The following CDCA2 variants were observed in gnomAD, a reference collection of about 807,000 sequenced individuals.
CDCA2 encodes the protein cell division cycle associated 2, also known as cell division cycle-associated protein 2.
CDCA2 carries 44 observed loss-of-function variants against 67.0 expected under a neutral mutation model. The observed-to-expected ratio is 0.66, with a 90% confidence interval of 0.52 to 0.84. The LOEUF (loss-of-function observed/expected upper bound fraction) is 0.84, where lower values mean the gene tolerates loss of function less well. Ranked by LOEUF, CDCA2 falls within the 40% of genes least tolerant of loss-of-function variation. CDCA2 has a pLI of 0.00. For missense variants in CDCA2, 1,253 were observed against 1,203.2 expected, an observed-to-expected ratio of 1.04 and a Z score of -0.61; for synonymous variants, 447 against 418.7, an observed-to-expected ratio of 1.07 and a Z score of -0.82.
intron 7 of CDCA2, among the ~76,000 whole-genome samples, chr8:25,474,636 A>G (rs1186008201): frequency 6.6e-6 from 1 of 152,200 alleles, no homozygotes; most frequent in Non-Finnish European, 1.5e-5. Flanking sequence ...TCCATGGTCT[A>G]GTAAGATCAC....
rs780717343 is a variant in CDCA2 at position 25,469,962 on chromosome 8, C to T, written c.802C>T (p.Leu268Phe). ...TGAAGAGTCTCTTCCCCTTTCAGAG[C>T]TCACAGAGACTTCAAATGGTAAGTA... Reference protein sequence around the residue: ...LVEESLPLSELTETSNALKVA... With the variant: ...LVEESLPLSEFTETSNALKVA... Residue 268 changes from leucine to phenylalanine, a missense_variant, in exon 7 of 15, where the codon CTC becomes TTC. Transcript: ENST00000330560. 1.2e-6 allele frequency: 2 copies of T among 1,608,134 alleles called. No individual in the cohort carries two copies. Among genetic ancestry groups the T allele is most frequent in the Non-Finnish European group, 8.5e-7 (1 of 1,175,366 alleles).
In CDCA2 at chr8:25,468,343, T is replaced by C. The variant is rs765128435; in HGVS notation, c.665T>C (p.Ile222Thr). The stretch of plus-strand genomic sequence containing the variant: ...CTGACGGATGCTGAAGGAAAAGTAA[T>C]TGGTCTCCAGATATTCAATATTGAT... ...ENLTDAEGKV[I>T]GLQIFNIDTD... The change falls in exon 6 of 15, where the codon ATT becomes ACT. Residue 222 changes from isoleucine (I) to threonine (T), a missense_variant. Coordinates refer to ENST00000330560, the MANE Select transcript of CDCA2 (RefSeq NM_152562.4). The C allele has an allele frequency of 8.1e-6, 13 of 1,613,788 alleles. No individual in the cohort carries two copies. In the East Asian group the frequency reaches 1.6e-4, roughly 19 times the overall value.
rs1804322119 is a variant in CDCA2 at position 25,498,399 on chromosome 8, G to A, written c.1672-4974G>A. On this transcript the variant is annotated intron_variant, in intron 13 of 14. Coordinates refer to ENST00000330560, the MANE Select transcript of CDCA2 (RefSeq NM_152562.4). The stretch of plus-strand genomic sequence containing the variant: ...ATTTTTGTATTTTTAGTAGAGACGG[G>A]GTTTCACTATGTTGGCCTGGCTGGT... Among the ~76,000 whole-genome samples the A allele has an allele frequency of 2.1e-5, 3 of 146,296 alleles. No individual in the cohort carries two copies. In the Admixed American group the frequency reaches 2.1e-4, roughly 10 times the overall value.
rs1339950317 is a variant in CDCA2 at position 25,468,300 on chromosome 8, A to G, written c.622A>G (p.Arg208Gly). ...CAAACGTCGGAGAATATCCTATCAG[A>G]GAGACTCTGATGAAAATCTGACGGA... ...SSKRRRISYQ[R>G]DSDENLTDAE... is the part of the protein sequence containing the mutation. Residue 208 changes from arginine (R) to glycine (G), a missense_variant, in exon 6 of 15, where the codon AGA becomes GGA. By Grantham distance (125) the Arg-to-Gly change is moderately radical (BLOSUM62 -2). Transcript: ENST00000330560. The G allele has an allele frequency of 3.1e-6, 5 of 1,613,902 alleles. No individual in the cohort carries two copies. The Admixed American group carries it at 6.7e-5, about 22-fold the overall frequency.
intron 10 of CDCA2, among the ~76,000 whole-genome samples, chr8:25,485,272 C>A (rs937502732): frequency 6.6e-6 from 1 of 151,318 alleles, no homozygotes; most frequent in African/African-American, 2.4e-5. Flanking sequence ...AACCTCTGAG[C>A]AAAATGGTAA....
At position 25,506,832 on chromosome 8, in the gene CDCA2, G is replaced by A. The variant is rs777051891; in HGVS notation, c.2166G>A (p.Val722=). 1.2e-6 allele frequency: 2 copies of A among 1,613,984 alleles called. No homozygotes were observed. Among genetic ancestry groups the A allele is most frequent in the East Asian group, 2.2e-5 (1 of 44,860 alleles). The change falls in exon 15 of 15, where the codon GTG becomes GTA. Residue 722 remains valine, a synonymous_variant. Transcript: ENST00000330560. ...VSCASVTEER[V]ASDSPKPALT... is the part of the protein sequence containing the mutation. ...GTGCTTCTGTAACTGAAGAACGTGT[G>A]GCATCAGATAGTCCCAAACCTGCTC...
intron 7 of CDCA2, among the ~76,000 whole-genome samples, chr8:25,475,056 T>C (rs1803292526): frequency 6.6e-6 from 1 of 152,166 alleles, no homozygotes; most frequent in African/African-American, 2.4e-5. Context: ...ACTGCTAGGA[T>C]TGGGTAGGCC....
chr8:25,468,402 G>A lies in CDCA2; in HGVS notation c.724G>A (p.Asp242Asn). 1.9e-6 allele frequency: 3 copies of A among 1,610,286 alleles called. No individual in the cohort carries two copies. The highest frequency in any genetic ancestry group is 2.5e-6 in the Non-Finnish European group (3 of 1,178,244). Residue 242 changes from aspartate (D) to asparagine (N), a missense_variant, in exon 6 of 15, where the codon GAT becomes AAT. Coordinates refer to ENST00000330560, the MANE Select transcript of CDCA2 (RefSeq NM_152562.4). ...AGCATGTGCAGTTGAAACTTCTGTA[G>A]ATCTTTCTGAGGTAATTCACTTACT... ...DRACAVETSV[D>N]LSEISSKLGS...
intron 8 of CDCA2, among the ~76,000 whole-genome samples, chr8:25,482,707 A>G (rs1411758040): frequency 6.6e-6 from 1 of 152,056 alleles, no homozygotes; most frequent in African/African-American, 2.4e-5. Context: ...CGTCTCTACA[A>G]AAAAATACAA....
In CDCA2 at chr8:25,460,557, A is replaced by C; in HGVS notation, c.232+3A>C. ...AAGCTTTGTTAGGAACTCTGCAGGT[A>C]AGAAAAGTTGTCATTCTGTTGTAAT... On this transcript the variant is annotated splice_donor_region_variant and intron_variant, in intron 3 of 14. Transcript: ENST00000330560. 5 of 1,608,102 alleles carry C rather than the reference A, an allele frequency of 3.1e-6. No individual in the cohort carries two copies. The highest frequency in any genetic ancestry group is 4.2e-6 in the Non-Finnish European group (5 of 1,177,954).
chr8:25,463,175 G>T (rs1295648193), intron 4 of CDCA2, among the ~76,000 whole-genome samples: 1 of 152,062 alleles, frequency 6.6e-6, no homozygotes, highest in Non-Finnish European at 1.5e-5. Context: ...GGGTCTCCTG[G>T]ACAAAATGTA....
chr8:25,462,597 G>C (rs1442932059), intron 4 of CDCA2, among the ~76,000 whole-genome samples: 1 of 151,682 alleles, frequency 6.6e-6, no homozygotes, highest in Non-Finnish European at 1.5e-5. Context: ...CTATGTTCCA[G>C]TCTGGGCGAC....
At chr8:25,487,519 A>T (rs1159959628) in intron 12 of CDCA2, among the ~76,000 whole-genome samples, 185 bp downstream of exon 12, 1 of 152,144 alleles carries the variant, frequency 6.6e-6, no homozygotes. Context: ...AGGCAGGCGG[A>T]TCATGAGGTC....
chr8:25,466,447 C>G, intron 5 of CDCA2, 122 bp downstream of exon 5: 1 of 872,386 alleles, frequency 1.1e-6, no homozygotes, highest in Non-Finnish European at 1.6e-6. Flanking sequence ...TAAAGTGAGA[C>G]TAACATTAAA....
chr8:25,494,721 C>T (rs1240458910), intron 13 of CDCA2, among the ~76,000 whole-genome samples: 1 of 152,188 alleles, frequency 6.6e-6, no homozygotes, highest in African/African-American at 2.4e-5. Flanking sequence ...GAAGTCCTAA[C>T]TCCCAGGATC....
At position 25,462,141 on chromosome 8, in the gene CDCA2, T is replaced by A; in HGVS notation, c.320T>A (p.Phe107Tyr). ...CCTGAAACAAACCATCTGATTCGTT[T>A]CATTGCTCGGCAGCAAAATATAAAG... ...GSPETNHLIR[F>Y]IARQQNIKNA... Residue 107 changes from phenylalanine to tyrosine, a missense_variant, in exon 4 of 15, where the codon TTC becomes TAC. Phe to Tyr is a conservative substitution (Grantham distance 22). Coordinates refer to ENST00000330560, the MANE Select transcript of CDCA2 (RefSeq NM_152562.4). The A allele has an allele frequency of 6.2e-7, 1 of 1,614,234 alleles. No individual in the cohort carries two copies. Among genetic ancestry groups the A allele is most frequent in the East Asian group, 2.2e-5 (1 of 44,886 alleles).
chr8:25,476,549 C>CT (rs911608785), intron 7 of CDCA2, among the ~76,000 whole-genome samples: 6 of 150,944 alleles, frequency 4.0e-5, no homozygotes, highest in South Asian at 2.1e-4. Flanking sequence ...GGGCCAGCCT[C>CT]TTTTTTTTCT....
At chr8:25,497,914 A>T (rs1392876684) in intron 13 of CDCA2, among the ~76,000 whole-genome samples, 2 of 152,196 alleles carry the variant, frequency 1.3e-5, no homozygotes, top group Non-Finnish European at 2.9e-5. Flanking sequence ...TAGGACATGG[A>T]GGAACATAGA....
At chr8:25,478,888 G>GTGTGTGTATA (rs1006353040) in intron 7 of CDCA2, among the ~76,000 whole-genome samples, 1 of 111,596 alleles carries the variant, frequency 9.0e-6, no homozygotes, top group African/African-American at 4.0e-5. Context: ...TTGTGTGTGT[G>GTGTGTGTATA]TATATATATA....
Sources: allele counts gnomAD v4.1 joint callset (sites outside exome capture counted in the v4.1 genomes callset), GRCh38; gene constraint gnomAD v4.1.1; transcripts MANE v1.5; gene names NCBI Gene and HGNC (gene_info 2026-07-23, HGNC 2026-07-21).